RASSF3: variants seen among roughly 807,000 people sequenced by gnomAD.
The protein encoded by RASSF3 is ras association domain-containing protein 3.
A neutral mutation model predicts 19.9 loss-of-function variants in RASSF3; 19 were observed. The observed-to-expected ratio is 0.96, with a 90% confidence interval of 0.67 to 1.40. The LOEUF (loss-of-function observed/expected upper bound fraction) is 1.40. Ranked by LOEUF, RASSF3 falls within the 40% of genes most tolerant of loss-of-function variation. The pLI is 0.00. For missense variants in RASSF3, 306 were observed against 289.8 expected (o/e 1.06, Z -0.41); for synonymous variants, 110 against 104.2 (o/e 1.06, Z -0.34).
intron 1 of RASSF3, among the ~76,000 whole-genome samples, chr12:64,671,070 C>T (rs1449110823): frequency 6.6e-6 from 1 of 152,150 alleles, no homozygotes; most frequent in African/African-American, 2.4e-5. Context: ...GGTGATGATA[C>T]AGTTCCCTAA....
At chr12:64,519,891 G>A (rs1868432642) in intron 1 of RASSF3, among the ~76,000 whole-genome samples, 1 of 152,042 alleles carries the variant, frequency 6.6e-6, no homozygotes, top group African/African-American at 2.4e-5. Flanking sequence ...GAGTAGCATT[G>A]TGGCTAAAAG....
At chr12:64,673,380 A>T (rs892428039) in intron 1 of RASSF3, among the ~76,000 whole-genome samples, 2 of 152,114 alleles carry the variant, frequency 1.3e-5, no homozygotes, top group African/African-American at 4.8e-5. Context: ...TTTTCTTACT[A>T]TCCAGTGAAC....
chr12:64,562,698 G>T (rs1284897364), intron 2 of RASSF3, among the ~76,000 whole-genome samples: 1 of 151,726 alleles, frequency 6.6e-6, no homozygotes, highest in Non-Finnish European at 1.5e-5. Flanking sequence ...ACGGCTCACT[G>T]CAGCCTCGAC....
At chr12:64,518,820 A>G (rs542565061) in intron 1 of RASSF3, among the ~76,000 whole-genome samples, 3 of 152,326 alleles carry the variant, frequency 2.0e-5, no homozygotes, top group East Asian at 1.9e-4. Context: ...TGCTCTTGTT[A>G]TCTCTGTCTC....
chr12:64,568,988 G>T (rs935817930), intron 2 of RASSF3, among the ~76,000 whole-genome samples: 2 of 152,206 alleles, frequency 1.3e-5, no homozygotes, highest in Non-Finnish European at 2.9e-5. Flanking sequence ...GGGATTACAG[G>T]CGTGAGCCAC....
chr12:64,670,203 G>C (rs1204886662), intron 1 of RASSF3, among the ~76,000 whole-genome samples: 6 of 152,120 alleles, frequency 3.9e-5, no homozygotes, highest in Non-Finnish European at 8.8e-5. Context: ...TGGTGCCTCT[G>C]TTTTGTGTCT....
intron 2 of RASSF3, among the ~76,000 whole-genome samples, chr12:64,597,738 A>G (rs1236398814): frequency 1.3e-5 from 2 of 152,040 alleles, no homozygotes; most frequent in Admixed American, 6.6e-5. Context: ...GATTACAGGC[A>G]TGCGCCAACC....
In RASSF3 at chr12:64,596,626, C is replaced by A. The variant is rs149727828; in HGVS notation, c.294+54921C>A. Among the ~76,000 whole-genome samples, 439 of 152,190 alleles carry A rather than the reference C, an allele frequency of 2.9e-3. 3 individuals carry two copies. The highest frequency in any genetic ancestry group is 0.01 in the African/African-American group (420 of 41,532). On this transcript the variant is annotated intron_variant, in intron 2 of 5. Coordinates refer to the RASSF3 transcript ENST00000637125. ...CTTCCCAGTTGGTGTTACAACACAG[C>A]CCTCCACCCTCACCCCATGCCCCAA...
rs565134018 is a variant in RASSF3, at chr12:64,559,838, C to T, written c.294+18133C>T. 2.0e-5 allele frequency among the ~76,000 whole-genome samples: 3 copies of T among 152,326 alleles called. No homozygotes were observed. The East Asian group carries it at 5.8e-4, about 29-fold the overall frequency. ...CTCCCAAATCTGATTCCAAAGTTTT[C>T]CACTGGTTCCTGCTCGCTAATTCTT... On this transcript the variant is annotated intron_variant, in intron 2 of 5. Coordinates refer to the RASSF3 transcript ENST00000637125.
chr12:64,563,580 C>T (rs772648490), intron 2 of RASSF3, among the ~76,000 whole-genome samples: 4 of 152,208 alleles, frequency 2.6e-5, no homozygotes, highest in Admixed American at 6.6e-5. Flanking sequence ...AAGATCTAGC[C>T]CCTGCCTACC....
intron 1 of RASSF3, among the ~76,000 whole-genome samples, chr12:64,632,591 C>T (rs55976568): frequency 9.2e-5 from 14 of 151,714 alleles, no homozygotes; most frequent in African/African-American, 1.5e-4. Context: ...AGGAAGGAGA[C>T]GAGAGAAAAG....
intron 1 of RASSF3, among the ~76,000 whole-genome samples, chr12:64,660,286 A>C (rs1427341747): frequency 1.3e-5 from 2 of 152,088 alleles, no homozygotes; most frequent in Non-Finnish European, 2.9e-5. Flanking sequence ...GAAGAGAAAA[A>C]GTAGATAATA....
At chr12:64,653,700 T>TGGCA (rs1165764339) in intron 1 of RASSF3, among the ~76,000 whole-genome samples, 1 of 152,086 alleles carries the variant, frequency 6.6e-6, no homozygotes, top group Non-Finnish European at 1.5e-5. Flanking sequence ...CCCTAGTAGC[T>TGGCA]GGCACTCCCA....
At chr12:64,527,047 T>G (rs751219174) in intron 1 of RASSF3, among the ~76,000 whole-genome samples, 6 of 152,350 alleles carry the variant, frequency 3.9e-5, no homozygotes, top group Non-Finnish European at 7.3e-5. Flanking sequence ...CATGGACAGC[T>G]AAGTTGATTA....
In RASSF3 at chr12:64,537,794, CCA is replaced by C. The variant is rs554097094; in HGVS notation, c.68-3784_68-3783del. On this transcript the variant is annotated intron_variant, in intron 1 of 1. Coordinates refer to the RASSF3 transcript ENST00000636333. ...TTTCTAAGGCTGCCATAACAAAATA[CCA>C]CAGACTGAGTTGTTTAAACAACAGA... Among the ~76,000 whole-genome samples, 21 of 152,294 alleles carry C rather than the reference CCA, an allele frequency of 1.4e-4. No homozygotes were observed. In the East Asian group the frequency reaches 4.0e-3, roughly 29 times the overall value.
chr12:64,546,095 CAAAAAAAAAAAAA>C (rs34666595), downstream of RASSF3, among the ~76,000 whole-genome samples: 3 of 59,544 alleles, frequency 5.0e-5, no homozygotes, highest in African/African-American at 1.3e-4. Context: ...GACTCCGTCT[CAAAAAAAAAAAAA>C]AAAAAAAAAA....
rs978422142 is a variant in RASSF3 at position 64,695,259 on chromosome 12, T to C, written c.*347T>C. On this transcript the variant is annotated 3_prime_UTR_variant, in exon 5 of 5. Transcript: ENST00000542104. ...GATGATGCTGTTAAGCTTACAGATA[T>C]GCAGTTGATTTTTTAAAAAGCTTAA... 12 of 188,710 alleles carry C rather than the reference T, an allele frequency of 6.4e-5. No individual in the cohort carries two copies. Among genetic ancestry groups the C allele is most frequent in the Non-Finnish European group, 8.7e-5 (8 of 92,344 alleles). 11.7% of individuals were successfully genotyped at this position (188,710 alleles called of 1,614,324 possible). A position where few individuals can be genotyped will look rare whatever the true frequency, so the allele number is the denominator to read the frequency against.
chr12:64,515,639 T>C (rs1868358906), intron 1 of RASSF3: 1 of 152,242 alleles, frequency 6.6e-6, no homozygotes, highest in Non-Finnish European at 1.5e-5. Context: ...TCGTGTCTAA[T>C]ATTCAGAAAT....
At chr12:64,673,974 G>A (rs537830783) in intron 1 of RASSF3, among the ~76,000 whole-genome samples, 1 of 151,982 alleles carries the variant, frequency 6.6e-6, no homozygotes, top group African/African-American at 2.4e-5. Context: ...ACCATATAGG[G>A]TATGGAGGGC....
Sources: allele counts gnomAD v4.1 joint callset (sites outside exome capture counted in the v4.1 genomes callset), GRCh38; gene constraint gnomAD v4.1.1; transcripts MANE v1.5; gene names NCBI Gene and HGNC (gene_info 2026-07-23, HGNC 2026-07-21).